SEH1L: variants seen among roughly 807,000 people sequenced by gnomAD.
SEH1L encodes the protein SEH1 like nucleoporin, also known as nucleoporin SEH1.
A neutral mutation model predicts 49.5 loss-of-function variants in SEH1L; 18 were observed. That is an observed-to-expected ratio of 0.36 (90% CI 0.25 to 0.54). The LOEUF is 0.54. Ranked by LOEUF, SEH1L falls within the 20% of genes least tolerant of loss-of-function variation. SEH1L has a pLI of 0.87. For missense variants in SEH1L, 404 were observed against 528.8 expected (o/e 0.76, Z 2.31); for synonymous variants, 169 against 178.1 (o/e 0.95, Z 0.41).
intron 3 of SEH1L, among the ~76,000 whole-genome samples, chr18:12,957,489 TTGGA>T (rs2030940432): frequency 6.6e-6 from 1 of 152,216 alleles, no homozygotes; most frequent in South Asian, 2.1e-4. Context: ...CTTTGCCTTA[TTGGA>T]TGTTTGAATT....
intron 4 of SEH1L, chr18:12,964,324 A>G (rs1308405159): frequency 1.3e-5 from 2 of 152,176 alleles, no homozygotes; most frequent in Non-Finnish European, 2.9e-5. Context: ...GGTAGTCACT[A>G]GTATATTTTT....
At chr18:12,964,984 A>T (rs1348713446) in intron 4 of SEH1L, among the ~76,000 whole-genome samples, 1 of 145,548 alleles carries the variant, frequency 6.9e-6, no homozygotes, top group Non-Finnish European at 1.5e-5. Context: ...CTTCCCCCTC[A>T]CATTGCCCCT....
chr18:12,977,292 G>C (rs2031966796), intron 5 of SEH1L: 1 of 152,214 alleles, frequency 6.6e-6, no homozygotes. Flanking sequence ...TTCTGTCCAG[G>C]ATATTCAATC....
intron 6 of SEH1L, among the ~76,000 whole-genome samples, chr18:12,980,853 G>A (rs1293000258): frequency 6.4e-5 from 9 of 141,166 alleles, no homozygotes; most frequent in Non-Finnish European, 4.7e-5. Flanking sequence ...CGGACGGGGC[G>A]GCTGGCCGGG....
At chr18:12,978,607 T>C (rs769917144) in intron 5 of SEH1L, 145 bp from the exon 6 acceptor site, 62 of 614,030 alleles carry the variant, frequency 1.0e-4, no homozygotes, top group Non-Finnish European at 1.6e-4. Flanking sequence ...CTTGGACATA[T>C]TCTTTTGGGG....
intron 1 of SEH1L, 181 bp downstream of exon 1, chr18:12,948,413 G>C: frequency 2.1e-6 from 1 of 485,484 alleles, no homozygotes; most frequent in Non-Finnish European, 3.6e-6. Flanking sequence ...GGGTCACGGC[G>C]GCCTCGCGGG....
intron 8 of SEH1L, 139 bp downstream of exon 8, chr18:12,984,329 A>G: frequency 1.1e-6 from 1 of 948,132 alleles, no homozygotes; most frequent in African/African-American, 1.6e-5. Flanking sequence ...TTAAGAATTC[A>G]TTTTGTTAGC....
At chr18:12,980,122 C>T (rs1330084266) in intron 6 of SEH1L, among the ~76,000 whole-genome samples, 8 of 116,720 alleles carry the variant, frequency 6.9e-5, no homozygotes, top group African/African-American at 2.3e-4. Flanking sequence ...GGCGGCTGTC[C>T]GGGCAGAGGG....
At chr18:12,983,226 C>T (rs1157628923) in intron 7 of SEH1L, 1 of 152,374 alleles carries the variant, frequency 6.6e-6, no homozygotes, top group Non-Finnish European at 1.5e-5. Flanking sequence ...ATCCATTAGG[C>T]AGAGATGTCT....
chr18:12,968,135 G>C (rs190208951), intron 4 of SEH1L, among the ~76,000 whole-genome samples: 21 of 152,236 alleles, frequency 1.4e-4, no homozygotes, highest in Admixed American at 1.2e-3. Context: ...TTATATTTAT[G>C]AGTGAGTGAC....
intron 2 of SEH1L, among the ~76,000 whole-genome samples, chr18:12,953,555 T>C (rs2030677284): frequency 6.6e-6 from 1 of 152,240 alleles, no homozygotes; most frequent in South Asian, 2.1e-4. Flanking sequence ...ACAAAAATCA[T>C]TGGATTTTGA....
chr18:12,949,844 T>G (rs2030408311), intron 1 of SEH1L, among the ~76,000 whole-genome samples: 1 of 152,060 alleles, frequency 6.6e-6, no homozygotes, highest in African/African-American at 2.4e-5. Context: ...CTCCAGAACC[T>G]TTTCATCATC....
chr18:12,981,850 ATTTTTTTTTTTTT>A (rs554886753), intron 6 of SEH1L, among the ~76,000 whole-genome samples: 1 of 88,184 alleles, frequency 1.1e-5, no homozygotes, highest in Non-Finnish European at 2.0e-5. Context: ...TGCCCTGCCC[ATTTTTTTTTTTTT>A]TTTTTTTTTT....
chr18:12,980,400 G>A (rs1259581741), intron 6 of SEH1L, among the ~76,000 whole-genome samples: 2 of 107,980 alleles, frequency 1.9e-5, no homozygotes, highest in African/African-American at 7.5e-5. Context: ...CCCGGACGGG[G>A]CGGCTGGCCG....
At chr18:12,980,004 AC>A (rs1246829364) in intron 6 of SEH1L, among the ~76,000 whole-genome samples, 2 of 94,038 alleles carry the variant, frequency 2.1e-5, no homozygotes, top group Non-Finnish European at 2.1e-5. Context: ...CGCGGGGCTG[AC>A]CCCCCCACCT....
intron 5 of SEH1L, chr18:12,972,227 C>G (rs1338432005): frequency 6.6e-6 from 1 of 152,148 alleles, no homozygotes; most frequent in Non-Finnish European, 1.5e-5. Flanking sequence ...TCAATAGGAT[C>G]TGGTGATTGA....
At chr18:12,975,069 C>T (rs1246364571) in intron 5 of SEH1L, among the ~76,000 whole-genome samples, 2 of 151,414 alleles carry the variant, frequency 1.3e-5, no homozygotes, top group Admixed American at 6.6e-5. Flanking sequence ...CTCGGCTCAC[C>T]GTAACCTCCG....
At chr18:12,953,807 C>T (rs1397655874) in intron 2 of SEH1L, among the ~76,000 whole-genome samples, 1 of 152,186 alleles carries the variant, frequency 6.6e-6, no homozygotes, top group Non-Finnish European at 1.5e-5. Context: ...AACCCCATCT[C>T]TTGCTTTTAA....
At chr18:12,954,978 G>A (rs140201819) in intron 2 of SEH1L, among the ~76,000 whole-genome samples, 7 of 152,136 alleles carry the variant, frequency 4.6e-5, no homozygotes, top group Admixed American at 4.6e-4. Context: ...GCTCCCAGCC[G>A]CTGGTAACCA....
Sources: allele counts gnomAD v4.1 joint callset (sites outside exome capture counted in the v4.1 genomes callset), GRCh38; gene constraint gnomAD v4.1.1; transcripts MANE v1.5; gene names NCBI Gene and HGNC (gene_info 2026-07-23, HGNC 2026-07-21).